SLC38A10: variants seen among roughly 807,000 people sequenced by gnomAD.
SLC38A10 encodes the protein solute carrier family 38 member 10, also known as Sodium-coupled neutral amino acid transporter 10.
SLC38A10 carries 53 observed loss-of-function variants against 81.0 expected under a neutral mutation model. The ratio of observed to expected loss-of-function variants is 0.65; its 90% CI spans 0.53 to 0.82. The LOEUF is 0.82. Among genes scored for constraint, SLC38A10 ranks in the 40% least tolerant of loss-of-function variants. The pLI is 0.00. For synonymous variants in SLC38A10, 665 were observed against 655.3 expected (o/e 1.01, Z -0.23); for missense variants, 1,471 against 1,545.0 (o/e 0.95, Z 0.80).
At chr17:81,250,461 T>C (rs751851250) in intron 14 of SLC38A10, among the ~76,000 whole-genome samples, 4 of 152,156 alleles carry the variant, frequency 2.6e-5, no homozygotes, top group African/African-American at 4.8e-5. Context: ...GCAGGAAGCG[T>C]GTGTCTTACG....
chr17:81,271,088 G>A (rs1200711022), intron 9 of SLC38A10, 64 bp from the exon 10 acceptor site: 3 of 1,412,824 alleles, frequency 2.1e-6, no homozygotes, highest in Non-Finnish European at 3.0e-6. Context: ...GGGGACCTGA[G>A]CTTTTGCCCT....
intron 14 of SLC38A10, chr17:81,251,179 G>C: frequency 6.5e-7 from 1 of 1,526,776 alleles, no homozygotes. Context: ...AAGACGAAAT[G>C]GTAATCACAA....
rs1311746982 is a variant in SLC38A10, at chr17:81,252,345, C to G, written c.1795G>C (p.Gly599Arg). 1 of 1,612,970 alleles carries G rather than the reference C, an allele frequency of 6.2e-7. No individual in the cohort carries two copies. Among genetic ancestry groups the G allele is most frequent in the African/African-American group, 1.3e-5 (1 of 74,944 alleles). Residue 599 changes from glycine to arginine, a missense_variant, in exon 13 of 16, where the codon GGA (glycine) becomes CGA (arginine). Gly to Arg is a moderately radical substitution (Grantham distance 125). This residue lies in a region of SLC38A10 where 720 missense variants were observed against 827.7 expected (regional missense o/e 0.87). Transcript: ENST00000374759. ...VQPAKEDLGP[G>R]DRGLHPRPQA... is the part of the protein sequence containing the mutation. Reference sequence around the variant, plus strand: ...GGCCGAGGATGCAGGCCCCTGTCTCCTGGCCCCAGGTCCTCCTTTGCAGGC... The same window carrying G: ...GGCCGAGGATGCAGGCCCCTGTCTCGTGGCCCCAGGTCCTCCTTTGCAGGC...
chr17:81,273,655 C>T (rs901535710), intron 8 of SLC38A10, among the ~76,000 whole-genome samples: 3 of 152,124 alleles, frequency 2.0e-5, no homozygotes, highest in African/African-American at 4.8e-5. Context: ...TGTATACAGG[C>T]CATGGAGGTG....
Position 81,253,024 on chromosome 17 carries a change from G to C in SLC38A10, c.1456+49C>G. 6.3e-7 allele frequency: 1 copy of C among 1,594,854 alleles called. No individual in the cohort carries two copies. The highest frequency in any genetic ancestry group is 8.5e-7 in the Non-Finnish European group (1 of 1,171,726). ...GCAGGGTGTCCAGCCTGCAAAGGAG[G>C]ACCCGGGGCCGCCCTTCCCCATCCG... On this transcript the variant is annotated intron_variant, in intron 12 of 15. Coordinates refer to ENST00000374759, the MANE Select transcript of SLC38A10 (RefSeq NM_001037984.3). This position sits in a 1 kb window ranked among gnomAD's most constrained non-coding sequence, Gnocchi z 4.1.
chr17:81,258,806 T>C (rs764213458), intron 11 of SLC38A10, among the ~76,000 whole-genome samples: 1 of 152,170 alleles, frequency 6.6e-6, no homozygotes, highest in Non-Finnish European at 1.5e-5. Context: ...GTTTTTCCAG[T>C]CCGAATTACC....
intron 11 of SLC38A10, among the ~76,000 whole-genome samples, chr17:81,258,034 G>A (rs1379000087): frequency 6.6e-6 from 1 of 152,244 alleles, no homozygotes; most frequent in African/African-American, 2.4e-5. Context: ...AGCCTTTGCA[G>A]GGACTCAGCC....
Position 81,289,651 on chromosome 17 carries a change from G to C in SLC38A10, c.217+40C>G, listed in dbSNP as rs562266081. ...AATAAATAAATGGAATAAGGCCCCCGCCCCAGGTCCAGAGCCACCTTGTGG... is the reference window on the plus strand; with the variant it reads ...AATAAATAAATGGAATAAGGCCCCCCCCCCAGGTCCAGAGCCACCTTGTGG... On this transcript the variant is annotated intron_variant, in intron 2 of 15. Coordinates refer to ENST00000374759, the MANE Select transcript of SLC38A10 (RefSeq NM_001037984.3). This position sits in a 1 kb window ranked among gnomAD's most constrained non-coding sequence, Gnocchi z 5.9. 2 of 1,416,762 alleles carry C rather than the reference G, an allele frequency of 1.4e-6. No individual in the cohort carries two copies. The highest frequency in any genetic ancestry group is 2.5e-5 in the South Asian group (2 of 78,924). 87.8% of individuals were successfully genotyped at this position (1,416,762 alleles called of 1,614,324 possible).
At chr17:81,293,011 TA>T (rs934232957) in intron 1 of SLC38A10, among the ~76,000 whole-genome samples, 14 of 151,572 alleles carry the variant, frequency 9.2e-5, no homozygotes, top group African/African-American at 2.9e-4. Context: ...AATAAATAAA[TA>T]AATTAGCCGG....
At position 81,270,942 on chromosome 17, in the gene SLC38A10, G is replaced by T. The variant is rs750152942; in HGVS notation, c.1107C>A (p.Ile369=). The T allele has an allele frequency of 4.3e-6, 7 of 1,613,898 alleles. No homozygotes were observed. Among genetic ancestry groups the T allele is most frequent in the Non-Finnish European group, 5.9e-6 (7 of 1,180,036 alleles). ...FICPALIYKK[I]HKNALSSQVV... Reference sequence around the variant, plus strand: ...CCTGGGAGGAAAGTGCGTTCTTGTGGATTTTCTTGTAGATCAGCGCCGGGC... The same window carrying T: ...CCTGGGAGGAAAGTGCGTTCTTGTGTATTTTCTTGTAGATCAGCGCCGGGC... Residue 369 remains isoleucine (I), a synonymous_variant, in exon 10 of 16, where the codon ATC becomes ATA. Coordinates refer to ENST00000374759, the MANE Select transcript of SLC38A10 (RefSeq NM_001037984.3). This position sits in a 1 kb window ranked among gnomAD's most constrained non-coding sequence, Gnocchi z 4.0.
intron 11 of SLC38A10, among the ~76,000 whole-genome samples, chr17:81,257,820 C>T (rs1003926149): frequency 2.0e-5 from 3 of 152,200 alleles, no homozygotes; most frequent in Non-Finnish European, 2.9e-5. Flanking sequence ...GGAGCGGGGA[C>T]GAGGGTGCCC....
At chr17:81,285,803 G>A (rs1333930586) in intron 2 of SLC38A10, 1 of 152,248 alleles carries the variant, frequency 6.6e-6, no homozygotes, top group Admixed American at 6.5e-5. Flanking sequence ...ATGAGCTTTG[G>A]AAAGCAGGAA....
chr17:81,291,872 C>T (rs2063313318), intron 1 of SLC38A10, among the ~76,000 whole-genome samples: 1 of 152,194 alleles, frequency 6.6e-6, no homozygotes, highest in African/African-American at 2.4e-5. Context: ...GCAGGACCCA[C>T]CCACCTCAGT....
chr17:81,279,778 T>C (rs11652842), intron 6 of SLC38A10: 33,381 of 155,476 alleles, frequency 0.21, 3,914 homozygotes, highest in Non-Finnish European at 0.26. Flanking sequence ...GGCGGAAGAA[T>C]GCGGCTTCTG....
intron 8 of SLC38A10, among the ~76,000 whole-genome samples, chr17:81,273,867 A>T (rs538889486): frequency 2.6e-5 from 4 of 152,272 alleles, no homozygotes; most frequent in Middle Eastern, 3.4e-3. Context: ...GCTTGTAGGG[A>T]CCGTGGAGAA....
chr17:81,279,355 G>C (rs1430595467), intron 6 of SLC38A10, among the ~76,000 whole-genome samples: 1 of 152,256 alleles, frequency 6.6e-6, no homozygotes, highest in Non-Finnish European at 1.5e-5. Context: ...ACAGGCAGGG[G>C]GCGCGGCCCG....
chr17:81,250,930 C>A, intron 14 of SLC38A10: 1 of 1,233,048 alleles, frequency 8.1e-7, no homozygotes, highest in Non-Finnish European at 1.0e-6. Flanking sequence ...AGGAGCTTTC[C>A]TGGAGGGACA....
intron 1 of SLC38A10, among the ~76,000 whole-genome samples, chr17:81,294,132 G>C (rs528032723): frequency 6.6e-6 from 1 of 152,326 alleles, no homozygotes; most frequent in East Asian, 1.9e-4. Context: ...CCAGGTTCAA[G>C]CTATTCTCCT....
At chr17:81,272,320 C>G (rs1346935295) in intron 9 of SLC38A10, among the ~76,000 whole-genome samples, 196 bp downstream of exon 9, 1 of 152,160 alleles carries the variant, frequency 6.6e-6, no homozygotes, top group Non-Finnish European at 1.5e-5. Flanking sequence ...GTGTGAGCCA[C>G]CGCACCTGGC....
Sources: allele counts gnomAD v4.1 joint callset (sites outside exome capture counted in the v4.1 genomes callset), GRCh38; gene constraint gnomAD v4.1.1; regional missense constraint gnomAD v4.1.1; non-coding constraint Gnocchi (gnomAD v3.1); transcripts MANE v1.5; gene names NCBI Gene and HGNC (gene_info 2026-07-23, HGNC 2026-07-21).